RAPGEF1: variants seen among roughly 807,000 people sequenced by gnomAD.
The protein encoded by RAPGEF1 is Rap guanine nucleotide exchange factor 1, also known as CRK SH3-binding GNRP.
In RAPGEF1, 33 loss-of-function variants were observed where a neutral mutation model predicts 143.3. The observed-to-expected ratio is 0.23, with a 90% confidence interval of 0.17 to 0.31. The LOEUF (loss-of-function observed/expected upper bound fraction) is 0.31. RAPGEF1 is among the 10% of genes least tolerant of loss of function. The probability of loss-of-function intolerance (pLI) is 1.00; values close to 1 mark genes in which losing one functional copy is unlikely to be tolerated. For synonymous variants in RAPGEF1, 629 were observed against 676.5 expected, an observed-to-expected ratio of 0.93 and a Z score of 1.09; for missense variants, 1,199 against 1,645.4, an observed-to-expected ratio of 0.73 and a Z score of 4.69.
At chr9:131,686,616 C>T (rs1259679866) in intron 1 of RAPGEF1, among the ~76,000 whole-genome samples, 1 of 152,210 alleles carries the variant, frequency 6.6e-6, no homozygotes, top group Non-Finnish European at 1.5e-5. Context: ...ACTTCCTTGA[C>T]CTCCTAGACG....
At chr9:131,717,880 T>C (rs935191195) in intron 1 of RAPGEF1, among the ~76,000 whole-genome samples, 1 of 152,008 alleles carries the variant, frequency 6.6e-6, no homozygotes, top group African/African-American at 2.4e-5. Flanking sequence ...CTGACCTCTC[T>C]GGGTGGCATC....
Position 131,588,926 on chromosome 9 carries a change from C to T in RAPGEF1, c.2928G>A (p.Val976=), listed in dbSNP as rs776829213. 7 of 1,614,000 alleles carry T rather than the reference C, an allele frequency of 4.3e-6. No individual in the cohort carries two copies. Among genetic ancestry groups the T allele is most frequent in the Non-Finnish European group, 5.9e-6 (7 of 1,179,874 alleles). The change falls in exon 20 of 27, where the codon GTG becomes GTA. Residue 976 remains valine, a synonymous_variant. Transcript: ENST00000683357. ...GGGCCAGGCTCAGCTCCCCATTGCACACCAGGCGGAAGACCAGTTCCATCA... is the reference window on the plus strand; with the variant it reads ...GGGCCAGGCTCAGCTCCCCATTGCATACCAGGCGGAAGACCAGTTCCATCA... ...KLLMELVFRL[V]CNGELSLARV...
At chr9:131,664,891 A>C (rs562822172) in intron 1 of RAPGEF1, among the ~76,000 whole-genome samples, 2 of 152,240 alleles carry the variant, frequency 1.3e-5, no homozygotes, top group South Asian at 4.1e-4. Flanking sequence ...AAAAAACTAC[A>C]TAACTTCTGT....
intron 1 of RAPGEF1, among the ~76,000 whole-genome samples, chr9:131,666,289 T>G (rs1022697756): frequency 6.6e-6 from 1 of 152,216 alleles, no homozygotes; most frequent in African/African-American, 2.4e-5. Context: ...CAAGAAAGAT[T>G]ATACTGTTCA....
At chr9:131,607,947 G>C (rs757069571) in intron 12 of RAPGEF1, among the ~76,000 whole-genome samples, 16 of 152,204 alleles carry the variant, frequency 1.1e-4, no homozygotes, top group Non-Finnish European at 1.9e-4. Context: ...AGTGTGTTTA[G>C]CCGGTTTTAA....
At chr9:131,589,085 G>C in intron 19 of RAPGEF1, 99 bp from the exon 20 acceptor site, 4 of 1,167,434 alleles carry the variant, frequency 3.4e-6, no homozygotes, top group East Asian at 2.4e-5. Flanking sequence ...GGCTGTGACC[G>C]GCACAGAGCT....
intron 17 of RAPGEF1, among the ~76,000 whole-genome samples, chr9:131,592,985 C>T (rs186645313): frequency 2.0e-5 from 3 of 152,218 alleles, no homozygotes; most frequent in Non-Finnish European, 2.9e-5. Flanking sequence ...TCAAGTGATT[C>T]ACTCAGCTTG....
intron 14 of RAPGEF1, among the ~76,000 whole-genome samples, chr9:131,603,148 C>T (rs1015553762): frequency 3.9e-5 from 6 of 152,074 alleles, no homozygotes; most frequent in Admixed American, 1.3e-4. Context: ...CCTCTGAACC[C>T]CTGTGGGGAC....
chr9:131,712,439 T>C (rs577146365), intron 1 of RAPGEF1, among the ~76,000 whole-genome samples: 2 of 152,046 alleles, frequency 1.3e-5, no homozygotes, highest in Admixed American at 1.3e-4. Flanking sequence ...TCTCCTCTCC[T>C]AGCAAGAGTC....
At chr9:131,648,479 A>G (rs1970268836) in intron 3 of RAPGEF1, among the ~76,000 whole-genome samples, 1 of 152,206 alleles carries the variant, frequency 6.6e-6, no homozygotes, top group South Asian at 2.1e-4. Flanking sequence ...TTCATATCAG[A>G]ATTCACTAGC....
intron 18 of RAPGEF1, 47 bp downstream of exon 18, chr9:131,592,052 C>T (rs1954377656): frequency 4.8e-6 from 7 of 1,457,182 alleles, no homozygotes; most frequent in Non-Finnish European, 5.8e-6. Context: ...CCTCTCTCTC[C>T]AAAATGCCCA....
Position 131,682,292 on chromosome 9 carries a change from T to C in RAPGEF1, c.62-31343A>G, listed in dbSNP as rs186029580. On this transcript the variant is annotated intron_variant, in intron 1 of 26. Coordinates refer to ENST00000683357, the MANE Select transcript of RAPGEF1 (RefSeq NM_001377935.1). ...AATCAGTGTCACTCTAAGTTTGATA[T>C]AGAAGGGAACCCGATTTCGGGAAAC... Among the ~76,000 whole-genome samples, 8 of 152,322 alleles carry C rather than the reference T, an allele frequency of 5.3e-5. No individual in the cohort carries two copies. The East Asian group carries it at 5.8e-4, about 11-fold the overall frequency.
chr9:131,642,957 T>C (rs1010289515), intron 4 of RAPGEF1, among the ~76,000 whole-genome samples: 5 of 152,198 alleles, frequency 3.3e-5, no homozygotes, highest in Admixed American at 3.3e-4. Context: ...GGAGGCGTCC[T>C]GGCTTGACGC....
At position 131,605,041 on chromosome 9, in the gene RAPGEF1, T is replaced by C. The variant is rs753283391; in HGVS notation, c.2209A>G (p.Met737Val). Residue 737 changes from methionine (M) to valine (V), a missense_variant, in exon 13 of 27, where the codon ATG (methionine) becomes GTG (valine). Met to Val is a conservative substitution (Grantham distance 21). Coordinates refer to ENST00000683357, the MANE Select transcript of RAPGEF1 (RefSeq NM_001377935.1). Reference protein sequence around the residue: ...SQSSDLAVPTMAGPPPSTVDG... With the variant: ...SQSSDLAVPTVAGPPPSTVDG... ...ACGGTGCTGGGAGGTGGACCGGCCA[T>C]GGTTGGCACGGCTAAGTCAGAGCTC... is the stretch of plus-strand genomic sequence containing the variant. The C allele has an allele frequency of 7.3e-7, 1 of 1,364,398 alleles. No homozygotes were observed. The highest frequency in any genetic ancestry group is 1.9e-5 in the Admixed American group (1 of 52,258). 84.5% of individuals were successfully genotyped at this position (1,364,398 alleles called of 1,614,324 possible). A position where few individuals can be genotyped will look rare whatever the true frequency, so the allele number is the denominator to read the frequency against.
rs553214942 is a variant in RAPGEF1 at position 131,636,783 on chromosome 9, G to A, written c.651+1852C>T. ...TCCACTCTGCTCTGCTGAACCCAGT[G>A]TGCTACTGTGAGGACCAGATATGAT... is the stretch of plus-strand genomic sequence containing the variant. On this transcript the variant is annotated intron_variant, in intron 5 of 26. Coordinates refer to ENST00000683357, the MANE Select transcript of RAPGEF1 (RefSeq NM_001377935.1). Among the ~76,000 whole-genome samples, 26 of 152,326 alleles carry A rather than the reference G, an allele frequency of 1.7e-4. 1 individual carries two copies. In the South Asian group the frequency reaches 5.4e-3, roughly 32 times the overall value.
chr9:131,615,823 T>C (rs7039249), intron 12 of RAPGEF1, among the ~76,000 whole-genome samples: 131,215 of 152,152 alleles, frequency 0.86, 56,763 homozygotes, highest in African/African-American at 0.92. Flanking sequence ...AAGCTCCACC[T>C]CCAGCCCCCA....
rs1231479087 is a variant in RAPGEF1, at chr9:131,577,296, G to A, written c.*2201C>T. 6.6e-6 allele frequency: 1 copy of A among 152,372 alleles called. No individual in the cohort carries two copies. Among genetic ancestry groups the A allele is most frequent in the Admixed American group, 6.5e-5 (1 of 15,290 alleles). The allele number at this position is 152,372 out of a possible 1,614,324, so 9.4% of individuals were successfully genotyped here. On this transcript the variant is annotated 3_prime_UTR_variant, in exon 27 of 27. Coordinates refer to ENST00000683357, the MANE Select transcript of RAPGEF1 (RefSeq NM_001377935.1). Reference sequence around the variant, plus strand: ...GCTCAGAACACCAAGGGCTCCCAGTGAGGGCCTGGGGAATTGCCTGGGCAC... The same window carrying A: ...GCTCAGAACACCAAGGGCTCCCAGTAAGGGCCTGGGGAATTGCCTGGGCAC...
In RAPGEF1 at chr9:131,621,683, G is replaced by C; in HGVS notation, c.1905+113C>G. The C allele has an allele frequency of 8.9e-7, 1 of 1,118,032 alleles. No individual in the cohort carries two copies. Among genetic ancestry groups the C allele is most frequent in the Non-Finnish European group, 1.3e-6 (1 of 785,220 alleles). 69.3% of individuals were successfully genotyped at this position (1,118,032 alleles called of 1,614,324 possible). A position where few individuals can be genotyped will look rare whatever the true frequency, so the allele number is the denominator to read the frequency against. On this transcript the variant is annotated intron_variant, in intron 11 of 26. Transcript: ENST00000683357. The surrounding 1 kb of genome is among the most constrained non-coding windows in gnomAD (Gnocchi z 4.5). ...ATGGTGCCTTCCACGCCCAAAACCA[G>C]GGCCCTGCCACAGCAGGGAGGAGGG... is the stretch of plus-strand genomic sequence containing the variant.
chr9:131,696,075 C>A (rs1049222727), intron 1 of RAPGEF1, among the ~76,000 whole-genome samples: 3 of 152,222 alleles, frequency 2.0e-5, no homozygotes, highest in African/African-American at 7.2e-5. Flanking sequence ...GCCAGAGCCA[C>A]AGACCCTCAC....
Sources: gnomAD v4.1 joint callset for allele counts (sites outside exome capture counted in the v4.1 genomes callset) on GRCh38, gnomAD v4.1.1 for gene constraint, Gnocchi (gnomAD v3.1) non-coding constraint, MANE v1.5 for transcripts, NCBI Gene and HGNC (gene_info 2026-07-23, HGNC 2026-07-21) for gene names.